Variants in RSPO3 observed in about 807,000 individuals in gnomAD.
RSPO3 encodes the protein R-spondin 3.
RSPO3 carries 17 observed loss-of-function variants against 36.5 expected under a neutral mutation model. The observed-to-expected ratio is 0.47, with a 90% CI of 0.32 to 0.70. RSPO3 has a LOEUF of 0.70. RSPO3 is among the 30% of genes least tolerant of loss of function. The pLI is 0.04. For missense variants in RSPO3, 294 were observed against 322.5 expected (o/e 0.91, Z 0.68); for synonymous variants, 108 against 107.0 (o/e 1.01, Z -0.06).
chr6:127,133,534 G>C (rs1291930308), intron 1 of RSPO3, among the ~76,000 whole-genome samples: 1 of 152,028 alleles, frequency 6.6e-6, no homozygotes, highest in Non-Finnish European at 1.5e-5. Flanking sequence ...GCAGAAAACT[G>C]ATCTTAAAGT....
intron 2 of RSPO3, 38 bp from the exon 3 acceptor site, chr6:127,150,388 C>T (rs9491699): frequency 0.46 from 728,590 of 1,581,634 alleles, 170,013 homozygotes; most frequent in East Asian, 0.52. Context: ...GTTAAGAGAA[C>T]ATAATGCAAG....
Position 127,197,062 on chromosome 6 carries a change from G to T in RSPO3, c.*1055G>T, listed in dbSNP as rs762521300. On this transcript the variant is annotated 3_prime_UTR_variant, in exon 5 of 5. Transcript: ENST00000356698. ...CAAGTTTTGTTCACTCTGTTTTATTGTTTGTTTTATTGAGAAATTCTTACT... is the reference window on the plus strand; with the variant it reads ...CAAGTTTTGTTCACTCTGTTTTATTTTTTGTTTTATTGAGAAATTCTTACT... The T allele has an allele frequency of 5.1e-5, 9 of 174,824 alleles. No homozygotes were observed. Among genetic ancestry groups the T allele is most frequent in the Non-Finnish European group, 8.6e-5 (7 of 81,622 alleles). 10.8% of individuals were successfully genotyped at this position (174,824 alleles called of 1,614,324 possible). A position where few individuals can be genotyped will look rare whatever the true frequency, so the allele number is the denominator to read the frequency against.
In RSPO3 at chr6:127,197,436, T is replaced by C; in HGVS notation, c.*1429T>C. The C allele has an allele frequency of 6.4e-7, 1 of 1,550,504 alleles. No individual in the cohort carries two copies. The highest frequency in any genetic ancestry group is 1.2e-5 in the South Asian group (1 of 84,060). On this transcript the variant is annotated 3_prime_UTR_variant, in exon 5 of 5. Coordinates refer to ENST00000356698, the MANE Select transcript of RSPO3 (RefSeq NM_032784.5). ...TGTGGATCTCTTTAGGGGATTGAAGTCACCCTAGCTGAAGGCCTCACCAGT... is the reference window on the plus strand; with the variant it reads ...TGTGGATCTCTTTAGGGGATTGAAGCCACCCTAGCTGAAGGCCTCACCAGT...
At chr6:127,184,376 A>C (rs1283690440) in intron 4 of RSPO3, among the ~76,000 whole-genome samples, 2 of 151,914 alleles carry the variant, frequency 1.3e-5, no homozygotes, top group African/African-American at 4.8e-5. Flanking sequence ...AAATTGCAAA[A>C]AGGCCTAGAA....
chr6:127,156,257 G>A (rs1467776783), intron 4 of RSPO3, among the ~76,000 whole-genome samples: 1 of 152,004 alleles, frequency 6.6e-6, no homozygotes, highest in Non-Finnish European at 1.5e-5. Context: ...TTATAGACCA[G>A]ATTACAGAAC....
At chr6:127,128,646 GTAAAATATAAAGTATTCTGA>G (rs1233051796) in intron 1 of RSPO3, among the ~76,000 whole-genome samples, 1 of 152,046 alleles carries the variant, frequency 6.6e-6, no homozygotes, top group Non-Finnish European at 1.5e-5. Flanking sequence ...AAATAGTAGT[GTAAAATATAAAGTATTCTGA>G]TACTGTTGAT....
chr6:127,167,215 CACAGATCGTCCCATCACCT>C (rs1774838611), intron 4 of RSPO3, among the ~76,000 whole-genome samples: 1 of 151,870 alleles, frequency 6.6e-6, no homozygotes, highest in African/African-American at 2.4e-5. Context: ...TGGTTTGCTG[CACAGATCGTCCCATCACCT>C]ATTAAGCCCA....
chr6:127,177,136 C>T (rs1409481951), intron 4 of RSPO3, among the ~76,000 whole-genome samples: 3 of 151,782 alleles, frequency 2.0e-5, no homozygotes, highest in African/African-American at 4.8e-5. Context: ...TCAATATTCC[C>T]GCTGGATATT....
At chr6:127,149,862 T>C (rs367709889) in intron 2 of RSPO3, among the ~76,000 whole-genome samples, 56 of 152,214 alleles carry the variant, frequency 3.7e-4, no homozygotes, top group African/African-American at 1.1e-3. Flanking sequence ...TAAAGCATTA[T>C]AGCAATCCTG....
intron 4 of RSPO3, among the ~76,000 whole-genome samples, chr6:127,160,915 C>A (rs1413073558): frequency 2.0e-5 from 3 of 152,130 alleles, no homozygotes; most frequent in South Asian, 2.1e-4. Flanking sequence ...GCTCTTTAAT[C>A]ATGGTCACAT....
chr6:127,135,370 GA>G (rs942904489), intron 1 of RSPO3, among the ~76,000 whole-genome samples: 1 of 139,922 alleles, frequency 7.1e-6, no homozygotes, highest in African/African-American at 2.7e-5. Context: ...GCAGTGAGCC[GA>G]AATCGTGCCA....
intron 1 of RSPO3, among the ~76,000 whole-genome samples, chr6:127,123,878 T>C (rs1443663389): frequency 6.6e-6 from 1 of 152,098 alleles, no homozygotes; most frequent in Admixed American, 6.5e-5. Context: ...CAACGTGTAG[T>C]AAAATTTTAT....
rs148229647 is a variant in RSPO3 at position 127,155,391 on chromosome 6, C to T, written c.587C>T (p.Thr196Ile). Residue 196 changes from threonine to isoleucine, a missense_variant, in exon 4 of 5, where the codon ACA becomes ATA. Around this residue, in one of 3 missense-constraint regions of RSPO3, gnomAD observed 190 missense variants for 185.2 expected, o/e 1.03. Coordinates refer to ENST00000356698, the MANE Select transcript of RSPO3 (RefSeq NM_032784.5). ...AACCTGTGTCCCCCAACAAATGAGA[C>T]AAGAAAGTGTACAGTGCAAAGGAAG... ...KGNLCPPTNETRKCTVQRKKC... is the reference protein window; with the variant it reads ...KGNLCPPTNEIRKCTVQRKKC... 15 of 1,613,622 alleles carry T rather than the reference C, an allele frequency of 9.3e-6. No homozygotes were observed. Among genetic ancestry groups the T allele is most frequent in the Non-Finnish European group, 1.2e-5 (14 of 1,179,828 alleles).
At chr6:127,143,703 T>A (rs541198617) in intron 1 of RSPO3, among the ~76,000 whole-genome samples, 15 of 152,300 alleles carry the variant, frequency 9.8e-5, no homozygotes, top group South Asian at 4.1e-4. Flanking sequence ...AATAATGGAT[T>A]TTTTTCACAT....
intron 2 of RSPO3, 67 bp downstream of exon 2, chr6:127,148,906 C>T: frequency 8.4e-7 from 1 of 1,184,600 alleles, no homozygotes; most frequent in Non-Finnish European, 1.2e-6. Context: ...GAAATGGCCT[C>T]TAATATATTT....
intron 4 of RSPO3, among the ~76,000 whole-genome samples, chr6:127,181,780 C>G (rs1051102837): frequency 2.0e-5 from 3 of 151,944 alleles, no homozygotes; most frequent in Non-Finnish European, 2.9e-5. Flanking sequence ...GACTACTACT[C>G]TTTCTCCTAA....
intron 1 of RSPO3, among the ~76,000 whole-genome samples, chr6:127,143,618 C>G (rs1454653407): frequency 1.3e-5 from 2 of 152,082 alleles, no homozygotes; most frequent in African/African-American, 4.8e-5. Flanking sequence ...TCTTATTAGT[C>G]TAAAGTCTAC....
chr6:127,198,911 T>G lies in RSPO3; in HGVS notation c.*2904T>G, dbSNP rs1289167216. Among the ~76,000 whole-genome samples the G allele has an allele frequency of 1.3e-5, 2 of 152,244 alleles. No individual in the cohort carries two copies. Among genetic ancestry groups the G allele is most frequent in the African/African-American group, 4.8e-5 (2 of 41,466 alleles). ...TGCTTTTCTCAAAAGTGAAAATGTA[T>G]AGGCTCTCAGAGGAGACAGATTTAA... On this transcript the variant is annotated 3_prime_UTR_variant, in exon 5 of 5. Coordinates refer to ENST00000356698, the MANE Select transcript of RSPO3 (RefSeq NM_032784.5).
intron 4 of RSPO3, among the ~76,000 whole-genome samples, chr6:127,184,789 ACTCT>A (rs1562254249): frequency 6.6e-6 from 1 of 151,922 alleles, no homozygotes; most frequent in Non-Finnish European, 1.5e-5. Flanking sequence ...AAAGGATGAC[ACTCT>A]CTTCAGAATC....
Sources: allele counts gnomAD v4.1 joint callset (sites outside exome capture counted in the v4.1 genomes callset), GRCh38; gene constraint gnomAD v4.1.1; regional missense constraint gnomAD v4.1.1; transcripts MANE v1.5; gene names NCBI Gene and HGNC (gene_info 2026-07-23, HGNC 2026-07-21).